Variants in TANC1 observed in about 807,000 individuals in gnomAD.
TANC1 encodes the protein protein TANC1.
In TANC1, 77 loss-of-function variants were observed where a neutral mutation model predicts 149.7. That is an observed-to-expected ratio of 0.51 (90% confidence interval 0.43 to 0.62). TANC1 has a LOEUF of 0.62. Among genes scored for constraint, TANC1 ranks in the 20% least tolerant of loss-of-function variants. The probability of loss-of-function intolerance (pLI) is 0.00; values close to 1 mark genes in which losing one functional copy is unlikely to be tolerated. For synonymous variants in TANC1, 854 were observed against 925.0 expected, an observed-to-expected ratio of 0.92 and a Z score of 1.39; for missense variants, 1,985 against 2,321.8, an observed-to-expected ratio of 0.85 and a Z score of 2.98.
At chr2:158,981,509 A>ATATG (rs2034349883) in intron 1 of TANC1, among the ~76,000 whole-genome samples, 1 of 103,014 alleles carries the variant, frequency 9.7e-6, no homozygotes, top group Admixed American at 9.6e-5. Flanking sequence ...ATATATATAT[A>ATATG]TATATATATA....
At chr2:158,999,500 C>T (rs1476307861) in intron 1 of TANC1, among the ~76,000 whole-genome samples, 2 of 152,220 alleles carry the variant, frequency 1.3e-5, no homozygotes, top group Non-Finnish European at 2.9e-5. Flanking sequence ...CCTTTCTCCT[C>T]TTAAGCTGGG....
intron 3 of TANC1, among the ~76,000 whole-genome samples, chr2:159,092,259 C>T (rs748850594): frequency 1.4e-4 from 22 of 152,210 alleles, no homozygotes; most frequent in African/African-American, 5.1e-4. Context: ...GCACCCTTGC[C>T]TTTCTCAGGC....
intron 1 of TANC1, among the ~76,000 whole-genome samples, chr2:158,981,509 AT>A (rs2034349589): frequency 9.7e-6 from 1 of 103,014 alleles, no homozygotes; most frequent in African/African-American, 3.5e-5. Flanking sequence ...ATATATATAT[AT>A]ATATATATAT....
Position 159,194,410 on chromosome 2 carries a change from G to C in TANC1, c.2896G>C (p.Glu966Gln). 1.9e-6 allele frequency: 3 copies of C among 1,614,282 alleles called. No individual in the cohort carries two copies. Among genetic ancestry groups the C allele is most frequent in the Non-Finnish European group, 2.5e-6 (3 of 1,180,052 alleles). ...TGGTGCCTGCCTGGACGGAACGTCA[G>C]AGAACGGCATGACTGCCCTCTGTTA... is the stretch of plus-strand genomic sequence containing the variant. ...EFGACLDGTS[E>Q]NGMTALCYAA... Residue 966 changes from glutamate (E) to glutamine (Q), a missense_variant, in exon 17 of 27, where the codon GAG (glutamate) becomes CAG (glutamine). Coordinates refer to ENST00000263635, the MANE Select transcript of TANC1 (RefSeq NM_033394.3).
intron 14 of TANC1, among the ~76,000 whole-genome samples, chr2:159,183,002 G>C (rs1456232397): frequency 1.3e-5 from 2 of 152,228 alleles, no homozygotes; most frequent in Non-Finnish European, 2.9e-5. Flanking sequence ...AGCAAATCTA[G>C]TTTGACTTGA....
intron 22 of TANC1, 108 bp downstream of exon 22, chr2:159,219,975 A>AGTGTGT (rs775529868): frequency 0.011 from 7,870 of 741,040 alleles, 63 homozygotes; most frequent in Admixed American, 0.036. Flanking sequence ...GTGTCATCAG[A>AGTGTGT]GAGTGTGTGT....
intron 2 of TANC1, among the ~76,000 whole-genome samples, chr2:159,063,076 G>GC (rs992376670): frequency 2.6e-5 from 4 of 151,478 alleles, no homozygotes; most frequent in African/African-American, 9.7e-5. Flanking sequence ...CTGTCAGCAA[G>GC]CCAGACAGTT....
chr2:159,080,807 C>T (rs1362931768), intron 3 of TANC1, among the ~76,000 whole-genome samples: 1 of 152,150 alleles, frequency 6.6e-6, no homozygotes, highest in Admixed American at 6.5e-5. Flanking sequence ...GTGTACAGCC[C>T]GGCTCCTCTT....
intron 4 of TANC1, among the ~76,000 whole-genome samples, chr2:159,102,552 C>T (rs1204470937): frequency 6.7e-5 from 9 of 135,078 alleles, no homozygotes; most frequent in Non-Finnish European, 1.3e-4. Context: ...ACTTGGCCTC[C>T]CAAAGTGCTG....
chr2:159,056,277 A>C (rs1169809089), intron 2 of TANC1: 2 of 223,720 alleles, frequency 8.9e-6, no homozygotes, highest in Admixed American at 8.2e-5. Context: ...TGTTCCAAGT[A>C]CTGAGGTTTC....
intron 3 of TANC1, among the ~76,000 whole-genome samples, chr2:159,089,946 A>G (rs2045350808): frequency 1.3e-5 from 2 of 152,244 alleles, no homozygotes; most frequent in African/African-American, 4.8e-5. Context: ...GTTAGGCCTT[A>G]GTAGGTGGCC....
At chr2:159,047,293 C>G (rs577521404) in intron 2 of TANC1, among the ~76,000 whole-genome samples, 1 of 151,992 alleles carries the variant, frequency 6.6e-6, no homozygotes, top group East Asian at 1.9e-4. Context: ...TCTACCCTGT[C>G]ACTCAAGCCA....
intron 1 of TANC1, among the ~76,000 whole-genome samples, chr2:158,970,411 C>T (rs912396626): frequency 6.6e-6 from 1 of 152,184 alleles, no homozygotes; most frequent in African/African-American, 2.4e-5. Context: ...AGGATTTTAA[C>T]AGCTGCTTCT....
At chr2:159,116,028 G>A (rs1176546868) in intron 4 of TANC1, among the ~76,000 whole-genome samples, 1 of 152,166 alleles carries the variant, frequency 6.6e-6, no homozygotes, top group Admixed American at 6.5e-5. Flanking sequence ...GGAGTTGAGT[G>A]CAGAGTCTGA....
chr2:158,992,669 ATTTTT>A (rs70994251), intron 1 of TANC1, among the ~76,000 whole-genome samples: 1 of 112,512 alleles, frequency 8.9e-6, no homozygotes, highest in African/African-American at 3.5e-5. Flanking sequence ...TGCCCAGCTA[ATTTTT>A]TTTTTTTTTT....
intron 2 of TANC1, among the ~76,000 whole-genome samples, chr2:159,017,570 TTG>T (rs751450467): frequency 6.6e-6 from 1 of 152,106 alleles, no homozygotes; most frequent in African/African-American, 2.4e-5. Context: ...TATACCTGTT[TTG>T]TGTGTGTGTC....
At chr2:159,173,906 C>G (rs2055542310) in intron 11 of TANC1, among the ~76,000 whole-genome samples, 2 of 152,214 alleles carry the variant, frequency 1.3e-5, no homozygotes, top group South Asian at 4.1e-4. Context: ...AGTCTGCAGA[C>G]TTGGGATCTA....
chr2:159,200,128 T>G (rs2058139068), intron 19 of TANC1, among the ~76,000 whole-genome samples: 1 of 152,246 alleles, frequency 6.6e-6, no homozygotes, highest in South Asian at 2.1e-4. Context: ...TATAGGCTGC[T>G]CTATAATTTG....
rs531291977 is a variant in TANC1, at chr2:159,084,301, C to G, written c.62-13336C>G. 1.2e-4 allele frequency among the ~76,000 whole-genome samples: 19 copies of G among 152,220 alleles called. No homozygotes were observed. In the South Asian group the frequency reaches 2.9e-3, roughly 23 times the overall value. On this transcript the variant is annotated intron_variant, in intron 3 of 26. Coordinates refer to ENST00000263635, the MANE Select transcript of TANC1 (RefSeq NM_033394.3). ...CATTTTCTTCGTCACTCCTAGCTCC[C>G]CCCCCAATACAGGCCTGGGAAAGAC...
Sources: gnomAD v4.1 joint callset for allele counts (sites outside exome capture counted in the v4.1 genomes callset) on GRCh38, gnomAD v4.1.1 for gene constraint, MANE v1.5 for transcripts, NCBI Gene and HGNC (gene_info 2026-07-23, HGNC 2026-07-21) for gene names.